The following LTBP1 variants were observed in gnomAD, a reference collection of about 807,000 sequenced individuals.
The protein encoded by LTBP1 is latent-transforming growth factor beta-binding protein 1.
In LTBP1, 129 loss-of-function variants were observed where a neutral mutation model predicts 207.6. That is an observed-to-expected ratio of 0.62 (90% CI 0.54 to 0.72). The LOEUF is 0.72. LTBP1 is among the 30% of genes least tolerant of loss of function. LTBP1 has a pLI of 0.00. For missense variants in LTBP1, 2,281 were observed against 2,217.2 expected (o/e 1.03, Z -0.58); for synonymous variants, 963 against 833.7 (o/e 1.16, Z -2.67).
At chr2:33,009,294 T>C (rs1247972147) in intron 2 of LTBP1, among the ~76,000 whole-genome samples, 2 of 152,154 alleles carry the variant, frequency 1.3e-5, no homozygotes, top group African/African-American at 2.4e-5. Context: ...GAGTCACATA[T>C]AGTGATAACT....
intron 2 of LTBP1, among the ~76,000 whole-genome samples, chr2:33,017,073 A>G (rs1322494009): frequency 6.6e-6 from 1 of 152,206 alleles, no homozygotes; most frequent in Non-Finnish European, 1.5e-5. Flanking sequence ...ATAATATTCC[A>G]CATAGTCCAA....
intron 3 of LTBP1, among the ~76,000 whole-genome samples, chr2:33,104,243 C>T (rs140221009): frequency 3.9e-5 from 6 of 152,276 alleles, no homozygotes; most frequent in African/African-American, 1.2e-4. Context: ...CAGTTTTATG[C>T]GATTGTTTCC....
At chr2:33,242,521 T>C (rs2092363836) in intron 9 of LTBP1, among the ~76,000 whole-genome samples, 1 of 152,130 alleles carries the variant, frequency 6.6e-6, no homozygotes, top group African/African-American at 2.4e-5. Context: ...TGAACTCCTC[T>C]TCTTCCTGCC....
At chr2:33,228,003 C>T (rs1338825779) in intron 9 of LTBP1, among the ~76,000 whole-genome samples, 1 of 151,854 alleles carries the variant, frequency 6.6e-6, no homozygotes, top group African/African-American at 2.4e-5. Flanking sequence ...GACGGGGTTT[C>T]ACTGTGTTGG....
chr2:33,021,926 C>T (rs561116133), intron 3 of LTBP1, among the ~76,000 whole-genome samples: 1 of 152,304 alleles, frequency 6.6e-6, no homozygotes, highest in African/African-American at 2.4e-5. Flanking sequence ...CAAATTGTCT[C>T]CTCTTAATGA....
At chr2:32,965,847 G>T (rs1169840631) in intron 2 of LTBP1, among the ~76,000 whole-genome samples, 1 of 152,196 alleles carries the variant, frequency 6.6e-6, no homozygotes, top group South Asian at 2.1e-4. Context: ...ATACCAAGGA[G>T]TGTGATTCCT....
chr2:33,054,688 C>T (rs558960901), intron 3 of LTBP1, among the ~76,000 whole-genome samples: 8 of 152,264 alleles, frequency 5.3e-5, no homozygotes, highest in African/African-American at 1.4e-4. Context: ...TGAGGACAGT[C>T]GTCCAGGACA....
chr2:33,192,738 C>G (rs1465317687), intron 7 of LTBP1, among the ~76,000 whole-genome samples: 3 of 152,146 alleles, frequency 2.0e-5, no homozygotes, highest in African/African-American at 7.2e-5. Context: ...ACTGGGTAAT[C>G]TATAAAGAAA....
intron 3 of LTBP1, among the ~76,000 whole-genome samples, chr2:33,110,168 C>T (rs909223050): frequency 1.3e-5 from 2 of 152,192 alleles, no homozygotes; most frequent in African/African-American, 4.8e-5. Context: ...ATAGTTCACT[C>T]CAGCCTCAAA....
intron 22 of LTBP1, among the ~76,000 whole-genome samples, chr2:33,303,795 T>C (rs1006639258): frequency 6.6e-6 from 1 of 152,174 alleles, no homozygotes; most frequent in African/African-American, 2.4e-5. Context: ...CGCTCCCTGC[T>C]GCTCACCTCC....
chr2:33,032,381 A>C (rs1213881405), intron 3 of LTBP1, among the ~76,000 whole-genome samples: 3 of 152,184 alleles, frequency 2.0e-5, no homozygotes, highest in African/African-American at 7.2e-5. Context: ...TGTTGGCTTT[A>C]TAGCTTTGCC....
chr2:33,263,649 T>C (rs1193987078), intron 15 of LTBP1, among the ~76,000 whole-genome samples: 2 of 152,192 alleles, frequency 1.3e-5, no homozygotes, highest in Non-Finnish European at 2.9e-5. Flanking sequence ...TATGGCATAA[T>C]CTGTTAATAA....
intron 5 of LTBP1, among the ~76,000 whole-genome samples, chr2:33,139,443 G>A (rs568678848): frequency 3.9e-5 from 6 of 152,250 alleles, no homozygotes; most frequent in African/African-American, 7.2e-5. Context: ...AGAGATGAAG[G>A]GTATATGTAA....
At chr2:33,192,036 T>A (rs1212020430) in intron 7 of LTBP1, among the ~76,000 whole-genome samples, 1 of 152,070 alleles carries the variant, frequency 6.6e-6, no homozygotes, top group Non-Finnish European at 1.5e-5. Context: ...GGAAAATGGA[T>A]GATTGATGAG....
chr2:33,347,492 C>A lies in LTBP1; in HGVS notation c.3982C>A (p.Arg1328Ser). ...QEYSPMTGQC[R>S]SRTSTDLDVD... ...GTACAGCCCCATGACTGGGCAGTGC[C>A]GCTCCCGGACCTCCACAGGTAAGTC... Residue 1328 changes from arginine (R) to serine (S), a missense_variant, in exon 26 of 34, where the codon CGC becomes AGC. By Grantham distance (110) the Arg-to-Ser change is moderately radical. Around this residue, in one of 3 missense-constraint regions of LTBP1, gnomAD observed 1,671 missense variants for 1,634.8 expected, o/e 1.02. Coordinates refer to ENST00000404816, the MANE Select transcript of LTBP1 (RefSeq NM_206943.4). The A allele has an allele frequency of 1.2e-6, 2 of 1,614,094 alleles. No homozygotes were observed. Among genetic ancestry groups the A allele is most frequent in the Non-Finnish European group, 1.7e-6 (2 of 1,180,032 alleles).
At position 33,248,302 on chromosome 2, in the gene LTBP1, A is replaced by C. The variant is rs571070162; in HGVS notation, c.2000-4375A>C. Among the ~76,000 whole-genome samples the C allele has an allele frequency of 6.6e-5, 10 of 152,262 alleles. No individual in the cohort carries two copies. The South Asian group carries it at 2.1e-3, about 32-fold the overall frequency. Reference sequence around the variant, plus strand: ...AGATCTCTATTGGATTTGTTCTGTTATTTTTCCTAATTTAGAAATGAAGGA... The same window carrying C: ...AGATCTCTATTGGATTTGTTCTGTTCTTTTTCCTAATTTAGAAATGAAGGA... On this transcript the variant is annotated intron_variant, in intron 10 of 33. Coordinates refer to ENST00000404816, the MANE Select transcript of LTBP1 (RefSeq NM_206943.4).
chr2:33,081,076 A>G (rs2078363863), intron 3 of LTBP1, among the ~76,000 whole-genome samples: 1 of 152,148 alleles, frequency 6.6e-6, no homozygotes, highest in African/African-American at 2.4e-5. Flanking sequence ...GTGTGGAAGT[A>G]TGATTGGACA....
At chr2:32,977,444 C>T (rs913889874) in intron 2 of LTBP1, among the ~76,000 whole-genome samples, 15 of 152,256 alleles carry the variant, frequency 9.9e-5, no homozygotes, top group East Asian at 1.9e-4. Flanking sequence ...CTATCAAGGG[C>T]GGGGTGAGGG....
At chr2:33,266,381 T>G (rs1573515112) in intron 15 of LTBP1, among the ~76,000 whole-genome samples, 1 of 152,200 alleles carries the variant, frequency 6.6e-6, no homozygotes, top group African/African-American at 2.4e-5. Flanking sequence ...GACAACATGT[T>G]GATGGAGGGA....
Sources: allele counts gnomAD v4.1 joint callset (sites outside exome capture counted in the v4.1 genomes callset), GRCh38; gene constraint gnomAD v4.1.1; regional missense constraint gnomAD v4.1.1; transcripts MANE v1.5; gene names NCBI Gene and HGNC (gene_info 2026-07-23, HGNC 2026-07-21).